The following MAGI2 variants were observed in gnomAD, a reference collection of about 807,000 sequenced individuals.
MAGI2 encodes membrane associated guanylate kinase, WW and PDZ domain containing 2.
MAGI2 carries 35 observed loss-of-function variants against 133.3 expected under a neutral mutation model. That is an observed-to-expected ratio of 0.26 (90% CI 0.20 to 0.35). The LOEUF (loss-of-function observed/expected upper bound fraction) is 0.35. MAGI2 is among the 10% of genes least tolerant of loss of function. The pLI is 1.00. For synonymous variants in MAGI2, 729 were observed against 710.6 expected (o/e 1.03, Z -0.41); for missense variants, 1,636 against 1,863.4 (o/e 0.88, Z 2.25).
rs146624355 is a variant in MAGI2 at position 79,424,696 on chromosome 7, A to T, written c.301+28324T>A. Among the ~76,000 whole-genome samples the T allele has an allele frequency of 4.4e-4, 67 of 152,264 alleles. No individual in the cohort carries two copies. In the East Asian group the frequency reaches 0.012, roughly 28 times the overall value. The stretch of plus-strand genomic sequence containing the variant: ...TAAATTTTTTGTCCATTTAAAAAAT[A>T]AGTTTCAAAAAAAGAAATAATATAC... On this transcript the variant is annotated intron_variant, in intron 1 of 21. Transcript: ENST00000354212.
At chr7:79,260,363 A>AATAC (rs61427819) in intron 1 of MAGI2, among the ~76,000 whole-genome samples, 73 of 149,240 alleles carry the variant, frequency 4.9e-4, no homozygotes, top group East Asian at 2.6e-3. Context: ...TCTCTAAGTA[A>AATAC]ATACATACAT....
rs146032037 is a variant in MAGI2 at position 78,196,575 on chromosome 7, T to A, written c.2080-1512A>T. 3.0e-3 allele frequency among the ~76,000 whole-genome samples: 453 copies of A among 152,268 alleles called. 4 individuals are homozygous for A. Among genetic ancestry groups the A allele is most frequent in the African/African-American group, 0.011 (438 of 41,546 alleles). On this transcript the variant is annotated intron_variant, in intron 11 of 21. Transcript: ENST00000354212. ...GATTCCACCTCTGGTCTGTCCATCATCAATATTTTCAAGCTGGAAGGGATG... is the reference window on the plus strand; with the variant it reads ...GATTCCACCTCTGGTCTGTCCATCAACAATATTTTCAAGCTGGAAGGGATG...
At chr7:78,548,934 G>C (rs900251676) in intron 3 of MAGI2, among the ~76,000 whole-genome samples, 3 of 152,136 alleles carry the variant, frequency 2.0e-5, no homozygotes, top group Non-Finnish European at 4.4e-5. Context: ...GCTTTAAAAA[G>C]CATACTGCCT....
intron 6 of MAGI2, among the ~76,000 whole-genome samples, chr7:78,375,568 G>A (rs1368555832): frequency 1.3e-5 from 2 of 151,796 alleles, no homozygotes; most frequent in African/African-American, 4.8e-5. Flanking sequence ...ATTTTATGTT[G>A]ACTAGCCTTT....
intron 1 of MAGI2, among the ~76,000 whole-genome samples, chr7:79,130,033 G>A (rs975132394): frequency 1.3e-5 from 2 of 151,988 alleles, no homozygotes; most frequent in African/African-American, 4.8e-5. Context: ...AGGCATGGTG[G>A]CTCACACTTG....
chr7:78,741,253 A>G (rs922115866), intron 2 of MAGI2, among the ~76,000 whole-genome samples: 1 of 152,044 alleles, frequency 6.6e-6, no homozygotes, highest in Non-Finnish European at 1.5e-5. Context: ...AGGTTTAAAT[A>G]CTAGAAAGAA....
At chr7:78,919,809 T>C (rs1329824910) in intron 2 of MAGI2, among the ~76,000 whole-genome samples, 1 of 152,128 alleles carries the variant, frequency 6.6e-6, no homozygotes. Flanking sequence ...AAACATAATA[T>C]GCATCTTAAT....
At position 78,405,209 on chromosome 7, in the gene MAGI2, T is replaced by TTACA. The variant is rs756448588; in HGVS notation, c.1046-36000_1046-35997dup. ...TTCCTTTTAGGCTAACAAGCACTACTTACATACTATTTCTGTCCTCAAATT... is the reference window on the plus strand; with the variant it reads ...TTCCTTTTAGGCTAACAAGCACTACTTACATACATACTATTTCTGTCCTCAAATT... On this transcript the variant is annotated intron_variant, in intron 6 of 21. Coordinates refer to ENST00000354212, the MANE Select transcript of MAGI2 (RefSeq NM_012301.4). 1.2e-3 allele frequency among the ~76,000 whole-genome samples: 181 copies of TTACA among 152,236 alleles called. 1 individual carries two copies. Among genetic ancestry groups the TTACA allele is most frequent in the Admixed American group, 0.01 (154 of 15,256 alleles).
chr7:79,363,050 C>T (rs1196503609), intron 1 of MAGI2, among the ~76,000 whole-genome samples: 1 of 151,452 alleles, frequency 6.6e-6, no homozygotes, highest in African/African-American at 2.4e-5. Flanking sequence ...TAGAAAATCC[C>T]AACTAATATA....
At chr7:78,538,281 T>C (rs1216606062) in intron 3 of MAGI2, among the ~76,000 whole-genome samples, 2 of 152,182 alleles carry the variant, frequency 1.3e-5, no homozygotes, top group Non-Finnish European at 2.9e-5. Flanking sequence ...AATTTGTTCT[T>C]TTTGCTTAGT....
intron 2 of MAGI2, among the ~76,000 whole-genome samples, chr7:78,905,572 T>A (rs11977747): frequency 1.2e-3 from 178 of 152,336 alleles, no homozygotes; most frequent in African/African-American, 4.2e-3. Context: ...ACATGTTGTT[T>A]CTTCTGCCTA....
chr7:79,042,589 A>T (rs141137448), intron 1 of MAGI2, among the ~76,000 whole-genome samples: 32 of 152,344 alleles, frequency 2.1e-4, no homozygotes, highest in African/African-American at 7.7e-4. Context: ...CCAGATTCAT[A>T]AAATAGCTAT....
intron 1 of MAGI2, among the ~76,000 whole-genome samples, chr7:79,199,344 G>A (rs569134852): frequency 2.0e-5 from 3 of 152,066 alleles, no homozygotes; most frequent in Non-Finnish European, 4.4e-5. Context: ...ATATCTGTAC[G>A]CTTCCTACTA....
intron 1 of MAGI2, among the ~76,000 whole-genome samples, chr7:79,116,442 A>T (rs893495760): frequency 6.6e-6 from 1 of 152,104 alleles, no homozygotes; most frequent in Non-Finnish European, 1.5e-5. Flanking sequence ...CTTTTCTGTT[A>T]AACTTTCAGG....
At chr7:78,803,436 C>T (rs554591926) in intron 2 of MAGI2, among the ~76,000 whole-genome samples, 2 of 152,140 alleles carry the variant, frequency 1.3e-5, no homozygotes, top group East Asian at 1.9e-4. Context: ...AAATCCAAAC[C>T]GAAACATCAG....
At chr7:79,340,475 A>G (rs1366987515) in intron 1 of MAGI2, among the ~76,000 whole-genome samples, 1 of 152,122 alleles carries the variant, frequency 6.6e-6, no homozygotes, top group East Asian at 1.9e-4. Flanking sequence ...TAAAAGCTTT[A>G]TTACAATATT....
intron 2 of MAGI2, among the ~76,000 whole-genome samples, chr7:78,968,734 G>A (rs1468176138): frequency 6.6e-6 from 1 of 151,902 alleles, no homozygotes; most frequent in African/African-American, 2.4e-5. Context: ...ATAAAATTAA[G>A]CACTATAAAT....
intron 6 of MAGI2, among the ~76,000 whole-genome samples, chr7:78,378,950 A>C (rs147424793): frequency 3.2e-4 from 49 of 152,198 alleles, no homozygotes; most frequent in African/African-American, 1.2e-3. Context: ...TTGCTTAGGC[A>C]ACAGGTGAGA....
intron 3 of MAGI2, among the ~76,000 whole-genome samples, chr7:78,595,904 A>G (rs1051040112): frequency 1.3e-5 from 2 of 152,172 alleles, no homozygotes; most frequent in African/African-American, 4.8e-5. Flanking sequence ...TCCAATACAA[A>G]GGAAGTATAA....
Sources: gnomAD v4.1 joint callset for allele counts (sites outside exome capture counted in the v4.1 genomes callset) on GRCh38, gnomAD v4.1.1 for gene constraint, MANE v1.5 for transcripts, NCBI Gene and HGNC (gene_info 2026-07-23, HGNC 2026-07-21) for gene names.